Variants in FAM3D observed in about 807,000 individuals in gnomAD.
FAM3D encodes protein FAM3D.
A neutral mutation model predicts 29.8 loss-of-function variants in FAM3D; 26 were observed. That is an observed-to-expected ratio of 0.87 (90% CI 0.64 to 1.21). The LOEUF (loss-of-function observed/expected upper bound fraction) is 1.21. Among genes scored for constraint, FAM3D ranks in the 50% most tolerant of loss-of-function variants. The pLI is 0.00. For missense variants in FAM3D, 253 were observed against 290.9 expected, an observed-to-expected ratio of 0.87 and a Z score of 0.95; for synonymous variants, 115 against 102.3, an observed-to-expected ratio of 1.12 and a Z score of -0.75.
At chr3:58,652,418 C>T (rs1300425619) in intron 3 of FAM3D, among the ~76,000 whole-genome samples, 1 of 151,954 alleles carries the variant, frequency 6.6e-6, no homozygotes, top group Non-Finnish European at 1.5e-5. Flanking sequence ...ACCCACCCAC[C>T]ATCTACCCAT....
At chr3:58,650,696 T>A (rs1477863711) in intron 3 of FAM3D, among the ~76,000 whole-genome samples, 2 of 152,134 alleles carry the variant, frequency 1.3e-5, no homozygotes, top group Non-Finnish European at 2.9e-5. Context: ...AAAGTTGAGT[T>A]GGTCACTCTC....
At chr3:58,649,647 CAT>C (rs376474495) in intron 3 of FAM3D, among the ~76,000 whole-genome samples, 159 of 152,258 alleles carry the variant, frequency 1.0e-3, no homozygotes, top group African/African-American at 3.7e-3. Context: ...TACAGACACA[CAT>C]GTGTGCACAC....
chr3:58,662,609 G>T (rs892051457), intron 1 of FAM3D, among the ~76,000 whole-genome samples: 50 of 152,314 alleles, frequency 3.3e-4, no homozygotes, highest in Admixed American at 1.4e-3. Flanking sequence ...TAAGTAGAAT[G>T]ACTTATGTGG....
rs374959557 is a variant in FAM3D, at chr3:58,649,307, A to G, written c.145+8T>C. ...TCGGGGGAGGTGTGGGGCTGCACAG[A>G]TACTCACGGATCTCCTTGGTGGGCG... On this transcript the variant is annotated splice_region_variant and intron_variant, in intron 4 of 9. Coordinates refer to ENST00000358781, the MANE Select transcript of FAM3D (RefSeq NM_138805.3). The G allele has an allele frequency of 6.2e-6, 10 of 1,613,382 alleles. No homozygotes were observed. Among genetic ancestry groups the G allele is most frequent in the Non-Finnish European group, 8.5e-6 (10 of 1,179,710 alleles).
Position 58,637,244 on chromosome 3 carries a change from G to A in FAM3D, c.374-19C>T, listed in dbSNP as rs1029446163. On this transcript the variant is annotated intron_variant, in intron 7 of 9. Coordinates refer to ENST00000358781, the MANE Select transcript of FAM3D (RefSeq NM_138805.3). ...ATAACATCTGGGGGAGGAAGGAAAA[G>A]GTGCTGGTGATTTAGGGGAAATGAG... The A allele has an allele frequency of 1.3e-6, 2 of 1,598,262 alleles. No homozygotes were observed. The highest frequency in any genetic ancestry group is 1.7e-6 in the Non-Finnish European group (2 of 1,170,354).
intron 3 of FAM3D, among the ~76,000 whole-genome samples, chr3:58,651,586 C>G (rs1189177483): frequency 6.6e-6 from 1 of 152,184 alleles, no homozygotes; most frequent in Non-Finnish European, 1.5e-5. Flanking sequence ...AGTTCAAAAC[C>G]CAGCAGTCAC....
intron 3 of FAM3D, among the ~76,000 whole-genome samples, chr3:58,649,669 TAC>T (rs199888549): frequency 0.018 from 2,796 of 152,238 alleles, 82 homozygotes; most frequent in East Asian, 0.11. Context: ...CACAGACGTG[TAC>T]ACACACGCAG....
chr3:58,635,643 C>A lies in FAM3D; in HGVS notation c.585+651G>T, dbSNP rs1238756629. Among the ~76,000 whole-genome samples, 1 of 152,136 alleles carries A rather than the reference C, an allele frequency of 6.6e-6. No homozygotes were observed. Among genetic ancestry groups the A allele is most frequent in the African/African-American group, 2.4e-5 (1 of 41,422 alleles). On this transcript the variant is annotated intron_variant, in intron 9 of 9. Transcript: ENST00000358781. This position sits in a 1 kb window ranked among gnomAD's most constrained non-coding sequence, Gnocchi z 5.2. ...CATTCGGGAACCACACCCGGCCGCC[C>A]CCGCCCACCGGCCTCCTGCGTTCTT...
Position 58,635,243 on chromosome 3 carries a change from C to A in FAM3D, c.586-875G>T, listed in dbSNP as rs1258618297. On this transcript the variant is annotated intron_variant, in intron 9 of 9. Transcript: ENST00000358781. The surrounding 1 kb of genome is among the most constrained non-coding windows in gnomAD (Gnocchi z 5.2). ...ATCACTTAGGATTGTGTCTAAAATGCTCAGGTTTGGATTATGAAAGAAAAA... is the reference window on the plus strand; with the variant it reads ...ATCACTTAGGATTGTGTCTAAAATGATCAGGTTTGGATTATGAAAGAAAAA... Among the ~76,000 whole-genome samples the A allele has an allele frequency of 1.3e-5, 2 of 152,068 alleles. No individual in the cohort carries two copies. The highest frequency in any genetic ancestry group is 2.9e-5 in the Non-Finnish European group (2 of 68,020).
chr3:58,662,543 C>T (rs965507977), intron 1 of FAM3D, among the ~76,000 whole-genome samples: 1 of 152,186 alleles, frequency 6.6e-6, no homozygotes, highest in Non-Finnish European at 1.5e-5. Context: ...TTCTTAACTG[C>T]ATTTACCAGT....
At chr3:58,647,820 A>G (rs376723495) in intron 4 of FAM3D, among the ~76,000 whole-genome samples, 13 of 152,314 alleles carry the variant, frequency 8.5e-5, no homozygotes, top group South Asian at 4.2e-4. Flanking sequence ...CTGGTGTGCT[A>G]CCAAGAGCAC....
At chr3:58,664,255 C>T (rs115665324) in intron 1 of FAM3D, among the ~76,000 whole-genome samples, 2,100 of 152,324 alleles carry the variant, frequency 0.014, 51 homozygotes, top group African/African-American at 0.048. Context: ...ACACAGTCAA[C>T]CCTCCATATG....
chr3:58,661,307 C>T (rs1163645092), intron 1 of FAM3D, among the ~76,000 whole-genome samples: 1 of 152,102 alleles, frequency 6.6e-6, no homozygotes, highest in Non-Finnish European at 1.5e-5. Flanking sequence ...AGGGAGCCTC[C>T]CATGGGATAA....
chr3:58,646,636 G>A (rs960759053), intron 4 of FAM3D, among the ~76,000 whole-genome samples: 10 of 152,226 alleles, frequency 6.6e-5, no homozygotes, highest in Admixed American at 2.0e-4. Context: ...AAGGGAAAAC[G>A]GGGGTTGGGC....
At position 58,636,573 on chromosome 3, in the gene FAM3D, A is replaced by C. The variant is rs888426294; in HGVS notation, c.459-153T>G. On this transcript the variant is annotated intron_variant, in intron 8 of 9. Coordinates refer to ENST00000358781, the MANE Select transcript of FAM3D (RefSeq NM_138805.3). ...GAACGTGGCTGCACTCAGGAAGGAC[A>C]GGGTAAAGGGCTTCAAGACTTCCTC... Among the ~76,000 whole-genome samples, 7 of 152,220 alleles carry C rather than the reference A, an allele frequency of 4.6e-5. No individual in the cohort carries two copies. In the East Asian group the frequency reaches 1.2e-3, roughly 25 times the overall value.
chr3:58,662,353 A>G (rs1309478590), intron 1 of FAM3D, among the ~76,000 whole-genome samples: 2 of 152,238 alleles, frequency 1.3e-5, no homozygotes, highest in African/African-American at 2.4e-5. Flanking sequence ...GTGGCTTGGG[A>G]AGCCATTAAG....
At chr3:58,650,755 T>G (rs1397592837) in intron 3 of FAM3D, among the ~76,000 whole-genome samples, 2 of 152,206 alleles carry the variant, frequency 1.3e-5, no homozygotes, top group Non-Finnish European at 1.5e-5. Flanking sequence ...TCTCGCTCCG[T>G]CGCCCAGGCT....
At chr3:58,656,180 T>C (rs1489272353) in intron 1 of FAM3D, among the ~76,000 whole-genome samples, 1 of 152,218 alleles carries the variant, frequency 6.6e-6, no homozygotes, top group African/African-American at 2.4e-5. Flanking sequence ...TTGTTTATTG[T>C]ACCAAGATAA....
intron 9 of FAM3D, 54 bp downstream of exon 9, chr3:58,636,240 C>G: frequency 6.3e-7 from 1 of 1,583,056 alleles, no homozygotes; most frequent in Non-Finnish European, 8.6e-7. Context: ...CTTCCTACCA[C>G]CACCCAGCTC....
Sources: gnomAD v4.1 joint callset for allele counts (sites outside exome capture counted in the v4.1 genomes callset) on GRCh38, gnomAD v4.1.1 for gene constraint, Gnocchi (gnomAD v3.1) non-coding constraint, MANE v1.5 for transcripts, NCBI Gene and HGNC (gene_info 2026-07-23, HGNC 2026-07-21) for gene names.